The following PPIP5K1 variants were observed in gnomAD, a reference collection of about 807,000 sequenced individuals.
PPIP5K1 encodes diphosphoinositol pentakisphosphate kinase 1.
In PPIP5K1, 6 loss-of-function variants were observed where a neutral mutation model predicts 27.7. The ratio of observed to expected loss-of-function variants is 0.22; its 90% CI spans 0.12 to 0.43. The LOEUF is 0.43. Among genes scored for constraint, PPIP5K1 ranks in the 20% least tolerant of loss-of-function variants. PPIP5K1 has a pLI of 1.00. For missense variants in PPIP5K1, 394 were observed against 635.4 expected (o/e 0.62, Z 4.08); for synonymous variants, 145 against 242.6 (o/e 0.60, Z 3.74).
At chr15:43,549,056 A>AT (rs1201875217) in intron 30 of PPIP5K1, among the ~76,000 whole-genome samples, 62 of 54,166 alleles carry the variant, frequency 1.1e-3, no homozygotes, top group African/African-American at 1.4e-3. Context: ...AAAAAAAAAA[A>AT]ATATATATAT....
At chr15:43,580,558 CCTTT>C (rs1265398187) in intron 10 of PPIP5K1, among the ~76,000 whole-genome samples, 3 of 126,838 alleles carry the variant, frequency 2.4e-5, no homozygotes, top group African/African-American at 1.2e-4. Context: ...AGGAGCCCTT[CCTTT>C]CTTATTTTTA....
At chr15:43,557,020 AC>A (rs2083051298) in intron 30 of PPIP5K1, among the ~76,000 whole-genome samples, 1 of 152,202 alleles carries the variant, frequency 6.6e-6, no homozygotes, top group African/African-American at 2.4e-5. Flanking sequence ...CCTTGGAGCT[AC>A]CTACTTAACA....
intron 30 of PPIP5K1, among the ~76,000 whole-genome samples, chr15:43,556,213 G>A (rs1176060260): frequency 1.3e-5 from 2 of 152,036 alleles, no homozygotes; most frequent in East Asian, 1.9e-4. Flanking sequence ...CCAGCTATTC[G>A]GGAGGCTGAG....
At chr15:43,580,695 A>C (rs1297380645) in intron 10 of PPIP5K1, among the ~76,000 whole-genome samples, 1 of 87,848 alleles carries the variant, frequency 1.1e-5, no homozygotes, top group East Asian at 4.5e-4. Context: ...CCTGCGTTCA[A>C]GCGATTCTCC....
rs145932233 is a variant in PPIP5K1 at position 43,543,343 on chromosome 15, C to T, written c.3557-3760G>A. On this transcript the variant is annotated intron_variant, in intron 30 of 31. Coordinates refer to ENST00000420765, the MANE Select transcript of PPIP5K1 (RefSeq NM_001394395.1). ...TGACAAGTTAATGGGTGCAGCACACCAGCGTGGCACATGTATACATATGTA... is the reference window on the plus strand; with the variant it reads ...TGACAAGTTAATGGGTGCAGCACACTAGCGTGGCACATGTATACATATGTA... Among the ~76,000 whole-genome samples the T allele has an allele frequency of 4.3e-3, 649 of 151,448 alleles. 22 individuals are homozygous for T. The East Asian group carries it at 0.096, about 22-fold the overall frequency.
At chr15:43,551,824 C>T (rs1473473680) in intron 30 of PPIP5K1, among the ~76,000 whole-genome samples, 6 of 151,794 alleles carry the variant, frequency 4.0e-5, no homozygotes, top group Non-Finnish European at 7.4e-5. Flanking sequence ...GGGATAGTCT[C>T]GATCTCCTGA....
At chr15:43,535,678 G>A (rs1052138861) in intron 31 of PPIP5K1, among the ~76,000 whole-genome samples, 2 of 152,174 alleles carry the variant, frequency 1.3e-5, no homozygotes, top group South Asian at 2.1e-4. Flanking sequence ...TATACTTTGA[G>A]AGTAACAATA....
chr15:43,537,839 A>G (rs1449628223), intron 31 of PPIP5K1, among the ~76,000 whole-genome samples: 4 of 150,564 alleles, frequency 2.7e-5, no homozygotes, highest in Non-Finnish European at 5.9e-5. Context: ...CACACCTGAT[A>G]CTGAGTCAAA....
At chr15:43,548,344 T>C (rs1228023652) in intron 30 of PPIP5K1, 1 of 151,692 alleles carries the variant, frequency 6.6e-6, no homozygotes, top group East Asian at 1.9e-4. Flanking sequence ...CCTGACCTTA[T>C]GATCTTCCTG....
intron 10 of PPIP5K1, among the ~76,000 whole-genome samples, chr15:43,579,631 G>GTGTGTGTGTA (rs1310083869): frequency 1.1e-4 from 4 of 35,720 alleles, no homozygotes; most frequent in Non-Finnish European, 1.5e-4. Context: ...GTGTGTGTGT[G>GTGTGTGTGTA]TATATATATA....
intron 30 of PPIP5K1, among the ~76,000 whole-genome samples, chr15:43,542,637 A>T (rs2080891391): frequency 7.0e-6 from 1 of 142,750 alleles, no homozygotes; most frequent in Non-Finnish European, 1.6e-5. Context: ...GATTTTTATT[A>T]TATATATTCA....
intron 30 of PPIP5K1, among the ~76,000 whole-genome samples, chr15:43,551,976 G>A (rs2082264718): frequency 8.1e-6 from 1 of 122,962 alleles, no homozygotes; most frequent in Non-Finnish European, 1.6e-5. Flanking sequence ...ATTGATTTCA[G>A]ATTTTTTTTT....
chr15:43,543,363 T>C (rs1013440587), intron 30 of PPIP5K1, among the ~76,000 whole-genome samples: 1 of 151,784 alleles, frequency 6.6e-6, no homozygotes, highest in Non-Finnish European at 1.5e-5. Context: ...CATGTATACA[T>C]ATGTAACAAA....
intron 10 of PPIP5K1, among the ~76,000 whole-genome samples, chr15:43,579,383 TACAC>T (rs371291746): frequency 2.0e-4 from 17 of 84,278 alleles, no homozygotes; most frequent in East Asian, 5.0e-4. Context: ...TTCGATTATA[TACAC>T]ACACACACAC....
At chr15:43,539,438 T>G (rs1335727981) in intron 31 of PPIP5K1, 32 bp downstream of exon 31, 1 of 1,456,822 alleles carries the variant, frequency 6.9e-7, no homozygotes. Context: ...CTTCATGACT[T>G]TTGTCTAGGC....
intron 30 of PPIP5K1, among the ~76,000 whole-genome samples, chr15:43,554,819 G>A (rs931693994): frequency 1.3e-5 from 2 of 151,624 alleles, no homozygotes; most frequent in Non-Finnish European, 2.9e-5. Context: ...ATTAAATATT[G>A]ACATTGTTAG....
In PPIP5K1 at chr15:43,536,100, T is replaced by C. The variant is rs759849869; in HGVS notation, c.3671-624A>G. ...TTGGCAGAAGAATGTAGAAAAACCA[T>C]GTAAATCAGAACAATAGGAAAGAAA... On this transcript the variant is annotated intron_variant, in intron 31 of 31. Transcript: ENST00000420765. 4 of 1,286,568 alleles carry C rather than the reference T, an allele frequency of 3.1e-6. No homozygotes were observed. In the South Asian group the frequency reaches 3.7e-5, roughly 12 times the overall value. The allele number at this position is 1,286,568 out of a possible 1,614,324, so 79.7% of individuals were successfully genotyped here. A position where few individuals can be genotyped will look rare whatever the true frequency, so the allele number is the denominator to read the frequency against.
At chr15:43,555,719 C>T (rs1218081933) in intron 30 of PPIP5K1, among the ~76,000 whole-genome samples, 1 of 152,074 alleles carries the variant, frequency 6.6e-6, no homozygotes, top group Non-Finnish European at 1.5e-5. Flanking sequence ...AATTCTCCTG[C>T]CTCGGCCTCC....
At chr15:43,565,617 A>G (rs1200776350) in intron 26 of PPIP5K1, among the ~76,000 whole-genome samples, 6 of 135,668 alleles carry the variant, frequency 4.4e-5, no homozygotes, top group Non-Finnish European at 9.3e-5. Flanking sequence ...TGGCACAATC[A>G]TAGCTCACTG....
Sources: allele counts gnomAD v4.1 joint callset (sites outside exome capture counted in the v4.1 genomes callset), GRCh38; gene constraint gnomAD v4.1.1; transcripts MANE v1.5; gene names NCBI Gene and HGNC (gene_info 2026-07-23, HGNC 2026-07-21).